The following THADA variants were observed in gnomAD, a reference collection of about 807,000 sequenced individuals.
The protein encoded by THADA is THADA armadillo repeat containing.
In THADA, 213 loss-of-function variants were observed where a neutral mutation model predicts 219.8. The ratio of observed to expected loss-of-function variants is 0.97; its 90% CI spans 0.87 to 1.09. THADA has a LOEUF of 1.09. THADA is among the 50% of genes least tolerant of loss of function. The pLI is 0.00. For synonymous variants in THADA, 1,018 were observed against 828.9 expected (o/e 1.23, Z -3.92); for missense variants, 2,956 against 2,311.3 (o/e 1.28, Z -5.72).
intron 34 of THADA, among the ~76,000 whole-genome samples, chr2:43,289,952 C>G (rs1240312655): frequency 6.7e-6 from 1 of 148,564 alleles, no homozygotes; most frequent in Non-Finnish European, 1.5e-5. Context: ...CCGTGCCCGG[C>G]CCTGGTGTTT....
chr2:43,233,580 C>T (rs2104009642), intron 36 of THADA, among the ~76,000 whole-genome samples: 1 of 152,182 alleles, frequency 6.6e-6, no homozygotes. Flanking sequence ...TATTTTGCTG[C>T]CCTCTGTCTC....
In THADA at chr2:43,571,864, T is replaced by TAAAAAA. The variant is rs763281658; in HGVS notation, c.1909-8_1909-3dup. On this transcript the variant is annotated splice_region_variant and splice_polypyrimidine_tract_variant and intron_variant, in intron 12 of 37. Transcript: ENST00000405975. ...CAAGCCTAATGTATCTATCCTTACCTAAAAAACATCAAGCAATAAAATGTT... is the reference window on the plus strand; with the variant it reads ...CAAGCCTAATGTATCTATCCTTACCTAAAAAAAAAAAACATCAAGCAATAAAATGTT... 6.2e-7 allele frequency: 1 copy of TAAAAAA among 1,609,174 alleles called. No homozygotes were observed. The highest frequency in any genetic ancestry group is 2.2e-5 in the East Asian group (1 of 44,834).
At chr2:43,246,064 C>G (rs951179504) in intron 36 of THADA, among the ~76,000 whole-genome samples, 1 of 151,858 alleles carries the variant, frequency 6.6e-6, no homozygotes, top group Non-Finnish European at 1.5e-5. Context: ...TATCTAGAAT[C>G]CAGAAAGTTT....
intron 36 of THADA, among the ~76,000 whole-genome samples, chr2:43,243,024 A>G (rs1053332360): frequency 1.3e-5 from 2 of 152,196 alleles, no homozygotes; most frequent in Non-Finnish European, 2.9e-5. Flanking sequence ...TGGAGGGTAG[A>G]AGTGAGAGGA....
chr2:43,420,106 A>G (rs1162334128), intron 28 of THADA, among the ~76,000 whole-genome samples: 1 of 152,136 alleles, frequency 6.6e-6, no homozygotes, highest in East Asian at 1.9e-4. Context: ...GTTAATCACC[A>G]TGGGTGATTT....
intron 36 of THADA, among the ~76,000 whole-genome samples, chr2:43,273,281 A>G (rs1408708960): frequency 6.6e-6 from 1 of 152,098 alleles, no homozygotes; most frequent in African/African-American, 2.4e-5. Flanking sequence ...AAAAAAAAAA[A>G]AAAGAAGAAA....
intron 28 of THADA, among the ~76,000 whole-genome samples, chr2:43,417,874 G>C (rs1677195385): frequency 6.6e-6 from 1 of 152,158 alleles, no homozygotes; most frequent in African/African-American, 2.4e-5. Context: ...CCCCTCTGTG[G>C]AATGGGATAG....
intron 18 of THADA, 57 bp downstream of exon 18, chr2:43,552,147 T>G: frequency 1.3e-6 from 2 of 1,565,266 alleles, no homozygotes; most frequent in Non-Finnish European, 1.7e-6. Context: ...CAACCAGAGG[T>G]TAAAGCTCAG....
chr2:43,396,974 C>T (rs1325589610), intron 29 of THADA, among the ~76,000 whole-genome samples: 6 of 151,960 alleles, frequency 3.9e-5, no homozygotes, highest in African/African-American at 9.7e-5. Flanking sequence ...GTGGTGTACC[C>T]GGCACTATTC....
chr2:43,479,613 T>TA (rs527450627), intron 26 of THADA, among the ~76,000 whole-genome samples: 4,539 of 144,210 alleles, frequency 0.031, 210 homozygotes, highest in African/African-American at 0.1. Context: ...AGATAAATGT[T>TA]AAAAAAAAAA....
At chr2:43,396,870 G>T (rs745601098) in intron 29 of THADA, among the ~76,000 whole-genome samples, 9 of 149,880 alleles carry the variant, frequency 6.0e-5, no homozygotes, top group Non-Finnish European at 5.9e-5. Flanking sequence ...TTATTACCTA[G>T]GGGGAATTAG....
intron 30 of THADA, among the ~76,000 whole-genome samples, chr2:43,340,923 G>A (rs1347056366): frequency 6.6e-6 from 1 of 152,196 alleles, no homozygotes; most frequent in Non-Finnish European, 1.5e-5. Flanking sequence ...GGACCTCAGG[G>A]ACAGGGCAGG....
At chr2:43,521,608 G>C (rs1028762581) in intron 22 of THADA, among the ~76,000 whole-genome samples, 3 of 152,170 alleles carry the variant, frequency 2.0e-5, no homozygotes, top group Admixed American at 6.5e-5. Flanking sequence ...AAGTGCTATG[G>C]CCTAAGCCCC....
At chr2:43,433,138 A>G (rs2104831814) in intron 26 of THADA, among the ~76,000 whole-genome samples, 1 of 152,168 alleles carries the variant, frequency 6.6e-6, no homozygotes, top group Middle Eastern at 3.4e-3. Flanking sequence ...TTTTGTGTAT[A>G]GTGTGAGATA....
rs191443473 is a variant in THADA, at chr2:43,241,043, T to G, written c.5297-8161A>C. 2.2e-3 allele frequency among the ~76,000 whole-genome samples: 329 copies of G among 152,222 alleles called. 1 individual carries two copies. Among genetic ancestry groups the G allele is most frequent in the African/African-American group, 7.5e-3 (312 of 41,538 alleles). On this transcript the variant is annotated intron_variant, in intron 36 of 37. Coordinates refer to ENST00000405975, the MANE Select transcript of THADA (RefSeq NM_022065.5). ...CCCTACCTGGCCATGATATTAAGTC[T>G]GGGGGGAATTCAGACTTCACCGGGC...
At chr2:43,430,174 T>C (rs371803186) in intron 27 of THADA, 39 bp downstream of exon 27, 6 of 1,055,208 alleles carry the variant, frequency 5.7e-6, no homozygotes, top group Non-Finnish European at 8.1e-6. Flanking sequence ...GTAATTCACA[T>C]CCTTGAGGTC....
At chr2:43,353,077 T>A (rs1461737335) in intron 29 of THADA, among the ~76,000 whole-genome samples, 1 of 152,222 alleles carries the variant, frequency 6.6e-6, no homozygotes, top group African/African-American at 2.4e-5. Flanking sequence ...CAAGATCTCC[T>A]CCTTTTTAAA....
At chr2:43,325,436 C>T (rs532287274) in intron 30 of THADA, among the ~76,000 whole-genome samples, 3 of 152,072 alleles carry the variant, frequency 2.0e-5, no homozygotes, top group East Asian at 1.9e-4. Flanking sequence ...ACAGTCACTG[C>T]CCTCAAGGAA....
intron 24 of THADA, among the ~76,000 whole-genome samples, chr2:43,501,950 G>C (rs1689049361): frequency 6.7e-6 from 1 of 150,306 alleles, no homozygotes; most frequent in African/African-American, 2.5e-5. Context: ...TCTCAAAAAA[G>C]TTGAAACAAA....
Sources: gnomAD v4.1 joint callset for allele counts (sites outside exome capture counted in the v4.1 genomes callset) on GRCh38, gnomAD v4.1.1 for gene constraint, MANE v1.5 for transcripts, NCBI Gene and HGNC (gene_info 2026-07-23, HGNC 2026-07-21) for gene names.